Variants in EVI5 observed in about 807,000 individuals in gnomAD.
The protein encoded by EVI5 is ecotropic viral integration site 5, also known as ecotropic viral integration site 5 protein homolog.
In EVI5, 73 loss-of-function variants were observed where a neutral mutation model predicts 112.0. The ratio of observed to expected loss-of-function variants is 0.65; its 90% confidence interval spans 0.54 to 0.79. The LOEUF is 0.79. Among genes scored for constraint, EVI5 ranks in the 30% least tolerant of loss-of-function variants. The pLI is 0.00. For missense variants in EVI5, 900 were observed against 968.8 expected (o/e 0.93, Z 0.94); for synonymous variants, 305 against 319.9 (o/e 0.95, Z 0.50).
intron 19 of EVI5, among the ~76,000 whole-genome samples, chr1:92,534,245 G>A (rs892126836): frequency 6.6e-6 from 1 of 152,122 alleles, no homozygotes. Flanking sequence ...ACCTCTTCAA[G>A]GAGAACTACA....
chr1:92,704,409 G>T (rs866726872), intron 3 of EVI5, 146 bp downstream of exon 3: 2 of 451,780 alleles, frequency 4.4e-6, no homozygotes, highest in Middle Eastern at 5.7e-4. Context: ...ACTTTTAGGG[G>T]TACAAGTAAG....
At position 92,636,248 on chromosome 1, in the gene EVI5, T is replaced by G; in HGVS notation, c.1481A>C (p.Gln494Pro). ...VQARLSEAESQCALKEMQDKV... is the reference protein window; with the variant it reads ...VQARLSEAESPCALKEMQDKV... ...ATCCTGCATCTCTTTTAATGCACACTGAGACTCAGCTTCACTCAGTCGGGC... is the reference window on the plus strand; with the variant it reads ...ATCCTGCATCTCTTTTAATGCACACGGAGACTCAGCTTCACTCAGTCGGGC... Residue 494 changes from glutamine (Q) to proline (P), a missense_variant, in exon 14 of 20, where the codon CAG becomes CCG. Transcript: ENST00000684568. 1 of 1,613,634 alleles carries G rather than the reference T, an allele frequency of 6.2e-7. No homozygotes were observed. The highest frequency in any genetic ancestry group is 8.5e-7 in the Non-Finnish European group (1 of 1,179,578).
intron 13 of EVI5, among the ~76,000 whole-genome samples, chr1:92,659,235 A>C (rs1572152977): frequency 6.6e-6 from 1 of 152,256 alleles, no homozygotes; most frequent in East Asian, 1.9e-4. Context: ...TGCAACAAAA[A>C]CAAAAATAGA....
intron 13 of EVI5, 135 bp from the exon 14 acceptor site, chr1:92,636,471 T>C (rs970138663): frequency 1.4e-5 from 9 of 658,738 alleles, no homozygotes; most frequent in Non-Finnish European, 2.2e-5. Flanking sequence ...TACCCAATAT[T>C]TCCAATGTAT....
intron 18 of EVI5, among the ~76,000 whole-genome samples, chr1:92,601,515 T>C (rs1649166622): frequency 1.3e-5 from 2 of 152,218 alleles, no homozygotes; most frequent in Admixed American, 1.3e-4. Flanking sequence ...CACAATGGAA[T>C]ATTATTCAAT....
In EVI5 at chr1:92,689,320, T is replaced by C. The variant is rs908110642; in HGVS notation, c.1097+4482A>G. Among the ~76,000 whole-genome samples the C allele has an allele frequency of 7.2e-5, 11 of 152,064 alleles. No homozygotes were observed. In the East Asian group the frequency reaches 1.4e-3, roughly 19 times the overall value. On this transcript the variant is annotated intron_variant, in intron 9 of 19. Transcript: ENST00000684568. ...CTGCTACTGGTAAAAATTAAGTAGA[T>C]TGGCAAAAATTAAGAATAACCAAGC...
At chr1:92,605,480 A>T in intron 17 of EVI5, 78 bp from the exon 18 acceptor site, 1 of 951,808 alleles carries the variant, frequency 1.1e-6, no homozygotes, top group Non-Finnish European at 1.7e-6. Context: ...AATAGGTTGC[A>T]TAAACCATAC....
At position 92,568,205 on chromosome 1, in the gene EVI5, T is replaced by G. The variant is rs139403366; in HGVS notation, c.2071-4468A>C. Among the ~76,000 whole-genome samples, 15 of 151,680 alleles carry G rather than the reference T, an allele frequency of 9.9e-5. 1 individual carries two copies. In the Middle Eastern group the frequency reaches 0.01, roughly 103 times the overall value. ...CTGGGCAACATGGCAAGACCCTGTCTCTACAAAAACATTAAAAAAAATTAG... is the reference window on the plus strand; with the variant it reads ...CTGGGCAACATGGCAAGACCCTGTCGCTACAAAAACATTAAAAAAAATTAG... On this transcript the variant is annotated intron_variant, in intron 18 of 19. Coordinates refer to ENST00000684568, the MANE Select transcript of EVI5 (RefSeq NM_001350197.2).
At chr1:92,649,233 G>A (rs1375678211) in intron 13 of EVI5, among the ~76,000 whole-genome samples, 1 of 152,118 alleles carries the variant, frequency 6.6e-6, no homozygotes, top group Non-Finnish European at 1.5e-5. Context: ...TCTTTTTGTT[G>A]TTGAGTTGTA....
At chr1:92,622,126 AAAAATT>A (rs1654730281) in intron 16 of EVI5, among the ~76,000 whole-genome samples, 1 of 29,220 alleles carries the variant, frequency 3.4e-5, no homozygotes, top group Non-Finnish European at 7.6e-5. Flanking sequence ...TCTAAAAAAT[AAAAATT>A]AAAAAAAAAA....
chr1:92,782,914 G>C (rs550428997), intron 1 of EVI5, among the ~76,000 whole-genome samples: 1 of 152,012 alleles, frequency 6.6e-6, no homozygotes, highest in Non-Finnish European at 1.5e-5. Context: ...CGACCTCCCC[G>C]GCTTTGGTGA....
intron 1 of EVI5, among the ~76,000 whole-genome samples, chr1:92,738,379 T>C (rs1208509741): frequency 6.6e-6 from 1 of 152,120 alleles, no homozygotes; most frequent in Non-Finnish European, 1.5e-5. Context: ...GAAAACCTAA[T>C]GTATAAAATT....
At chr1:92,708,257 T>A (rs571162462) in intron 2 of EVI5, among the ~76,000 whole-genome samples, 1 of 152,064 alleles carries the variant, frequency 6.6e-6, no homozygotes, top group East Asian at 1.9e-4. Flanking sequence ...AAGGGACTTG[T>A]ATCTAGAATA....
In EVI5 at chr1:92,730,772, C is replaced by A. The variant is rs184390838; in HGVS notation, c.149+5626G>T. ...TTAACATCAAGCTTAATGCTTTCTT[C>A]TTAAGATCAGAAAAAGAACAGGTAT... On this transcript the variant is annotated intron_variant, in intron 2 of 19. Coordinates refer to ENST00000684568, the MANE Select transcript of EVI5 (RefSeq NM_001350197.2). Among the ~76,000 whole-genome samples, 528 of 151,414 alleles carry A rather than the reference C, an allele frequency of 3.5e-3. 1 individual carries two copies. Among genetic ancestry groups the A allele is most frequent in the South Asian group, 0.011 (53 of 4,788 alleles).
At chr1:92,556,065 CTTTT>C (rs771124421) in intron 19 of EVI5, among the ~76,000 whole-genome samples, 1 of 140,882 alleles carries the variant, frequency 7.1e-6, no homozygotes, top group Non-Finnish European at 1.6e-5. Context: ...TTCTTTCTTT[CTTTT>C]TTTTTTTTTT....
rs535996876 is a variant in EVI5, at chr1:92,757,509, T to A, written c.-81-20882A>T. 1.1e-4 allele frequency among the ~76,000 whole-genome samples: 17 copies of A among 152,156 alleles called. No individual in the cohort carries two copies. In the East Asian group the frequency reaches 3.3e-3, roughly 29 times the overall value. On this transcript the variant is annotated intron_variant, in intron 1 of 19. Transcript: ENST00000684568. ...GTGGCAATCTGTACAATAAAAAAAA[T>A]TTAGATGATTCTACATAACTTCCTA...
intron 1 of EVI5, among the ~76,000 whole-genome samples, chr1:92,768,887 C>T (rs1319586023): frequency 6.6e-6 from 1 of 152,074 alleles, no homozygotes; most frequent in Admixed American, 6.6e-5. Context: ...AAAAACAAAA[C>T]AAAAACAAAA....
intron 19 of EVI5, among the ~76,000 whole-genome samples, chr1:92,549,244 G>A (rs1666356760): frequency 6.6e-6 from 1 of 152,114 alleles, no homozygotes; most frequent in Non-Finnish European, 1.5e-5. Flanking sequence ...ACAAGAAATG[G>A]GGAAAGGATT....
intron 13 of EVI5, among the ~76,000 whole-genome samples, chr1:92,655,474 CAAGT>C (rs1338178580): frequency 6.6e-6 from 1 of 152,060 alleles, no homozygotes; most frequent in Admixed American, 6.5e-5. Context: ...AAGAAATGTT[CAAGT>C]GAGTTCTAAA....
Sources: gnomAD v4.1 joint callset for allele counts (sites outside exome capture counted in the v4.1 genomes callset) on GRCh38, gnomAD v4.1.1 for gene constraint, MANE v1.5 for transcripts, NCBI Gene and HGNC (gene_info 2026-07-23, HGNC 2026-07-21) for gene names.